Variants in SPINK5 observed in about 807,000 individuals in gnomAD.
SPINK5 encodes the protein serine protease inhibitor Kazal-type 5.
In SPINK5, 125 loss-of-function variants were observed where a neutral mutation model predicts 151.8. That is an observed-to-expected ratio of 0.82 (90% CI 0.71 to 0.96). SPINK5 has a LOEUF of 0.96. SPINK5 is among the 40% of genes least tolerant of loss of function. The pLI, the probability that SPINK5 is intolerant of heterozygous loss-of-function variation, is 0.00. For missense variants in SPINK5, 1,194 were observed against 1,291.9 expected (o/e 0.92, Z 1.16); for synonymous variants, 374 against 395.3 (o/e 0.95, Z 0.64).
In SPINK5 at chr5:148,101,776, C is replaced by T; in HGVS notation, c.1303-5C>T. ...CACTTTCAACTTCCTGCCTCAATTT[C>T]ACAGGAGTTGTGTAGTGAATACCGC... On this transcript the variant is annotated splice_region_variant and splice_polypyrimidine_tract_variant and intron_variant, in intron 14 of 32. Coordinates refer to ENST00000256084, the MANE Select transcript of SPINK5 (RefSeq NM_006846.4). 1 of 1,613,636 alleles carries T rather than the reference C, an allele frequency of 6.2e-7. No individual in the cohort carries two copies. The highest frequency in any genetic ancestry group is 8.5e-7 in the Non-Finnish European group (1 of 1,179,670).
intron 5 of SPINK5, among the ~76,000 whole-genome samples, 199 bp from the exon 6 acceptor site, chr5:148,088,343 A>T (rs1487170496): frequency 6.6e-6 from 1 of 151,908 alleles, no homozygotes; most frequent in Non-Finnish European, 1.5e-5. Context: ...AATCTTTACC[A>T]TCTCTTCCAT....
At chr5:148,087,092 C>T (rs1753180971) in intron 5 of SPINK5, among the ~76,000 whole-genome samples, 1 of 151,322 alleles carries the variant, frequency 6.6e-6, no homozygotes, top group Admixed American at 6.6e-5. Context: ...ATTATTTCAT[C>T]ATCAAATTAT....
intron 24 of SPINK5, among the ~76,000 whole-genome samples, chr5:148,119,683 C>T (rs1297394571): frequency 3.3e-5 from 5 of 152,306 alleles, no homozygotes; most frequent in African/African-American, 9.6e-5. Context: ...ACTGTCCTGC[C>T]GCTGCCTCTC....
intron 28 of SPINK5, 35 bp downstream of exon 28, chr5:148,124,872 A>AC: frequency 6.5e-7 from 1 of 1,546,966 alleles, no homozygotes; most frequent in Non-Finnish European, 8.7e-7. Flanking sequence ...TAACCATTTT[A>AC]CTTTTCACCT....
intron 31 of SPINK5, 62 bp from the exon 32 acceptor site, chr5:148,133,735 T>C: frequency 1.3e-6 from 2 of 1,554,466 alleles, no homozygotes; most frequent in South Asian, 1.1e-5. Flanking sequence ...TTGGTCCTTA[T>C]TTATTTTCTT....
intron 2 of SPINK5, among the ~76,000 whole-genome samples, chr5:148,066,646 C>G (rs1752593393): frequency 6.6e-6 from 1 of 152,014 alleles, no homozygotes; most frequent in African/African-American, 2.4e-5. Flanking sequence ...ATAAGCTAGA[C>G]ATTTGGGAAT....
At chr5:148,132,067 CTT>C (rs1335755793) in intron 31 of SPINK5, among the ~76,000 whole-genome samples, 1 of 152,156 alleles carries the variant, frequency 6.6e-6, no homozygotes, top group Non-Finnish European at 1.5e-5. Flanking sequence ...ATATTTTTAT[CTT>C]AAGTTAAATA....
rs527779780 is a variant in SPINK5 at position 148,065,361 on chromosome 5, A to T, written c.70A>T (p.Asn24Tyr). ...LCLIQDAASK[N>Y]EDQEMCHEFQ... is the part of the protein sequence containing the mutation. ...TTTCATCCCAGATGCTGCCAGTAAG[A>T]ATGAAGATCAGGTTAGTCCTGCTTT... Residue 24 changes from asparagine (N) to tyrosine (Y), a missense_variant, in exon 2 of 33, where the codon AAT (asparagine) becomes TAT (tyrosine). Transcript: ENST00000256084. The T allele has an allele frequency of 2.5e-6, 4 of 1,613,578 alleles. 1 individual carries two copies. The South Asian group carries it at 4.4e-5, about 18-fold the overall frequency.
chr5:148,074,188 T>A (rs1752822456), intron 4 of SPINK5, among the ~76,000 whole-genome samples: 1 of 151,864 alleles, frequency 6.6e-6, no homozygotes, highest in Non-Finnish European at 1.5e-5. Context: ...GTGCTCTGCA[T>A]TTCAAGGAGT....
At chr5:148,072,244 G>C in intron 4 of SPINK5, 24 bp downstream of exon 4, 2 of 1,607,708 alleles carry the variant, frequency 1.2e-6, no homozygotes, top group Non-Finnish European at 1.7e-6. Context: ...GAGCCAACCT[G>C]TTTACTTTTG....
At chr5:148,098,130 A>T in intron 11 of SPINK5, 136 bp downstream of exon 11, 1 of 844,980 alleles carries the variant, frequency 1.2e-6, no homozygotes. Flanking sequence ...GGAAAATATC[A>T]GTGATAGAGC....
intron 4 of SPINK5, among the ~76,000 whole-genome samples, chr5:148,080,406 T>TA (rs1233114064): frequency 6.6e-6 from 1 of 151,356 alleles, no homozygotes; most frequent in East Asian, 1.9e-4. Flanking sequence ...ACTAGTTATA[T>TA]AAAAAATATT....
Position 148,101,859 on chromosome 5 carries a change from C to T in SPINK5, c.1381C>T (p.Pro461Ser). 2 of 1,613,778 alleles carry T rather than the reference C, an allele frequency of 1.2e-6. No homozygotes were observed. Among genetic ancestry groups the T allele is most frequent in the Non-Finnish European group, 1.7e-6 (2 of 1,179,810 alleles). The change falls in exon 15 of 33, where the codon CCA becomes TCA. Residue 461 changes from proline (P) to serine (S), a missense_variant. By Grantham distance (74) the Pro-to-Ser change is moderately conservative (BLOSUM62 -1). Transcript: ENST00000256084. ...CTRENDPIQG[P>S]DGKMHGNTCS... ...CAGAGAGAATGACCCCATCCAGGGC[C>T]CAGATGGAAAAATGCATGGCAACAC... is the stretch of plus-strand genomic sequence containing the variant.
At chr5:148,078,691 T>C (rs2113021072) in intron 4 of SPINK5, among the ~76,000 whole-genome samples, 1 of 150,814 alleles carries the variant, frequency 6.6e-6, no homozygotes, top group Non-Finnish European at 1.5e-5. Flanking sequence ...AATTGGTGGG[T>C]TAAAGAAACA....
intron 30 of SPINK5, 131 bp downstream of exon 30, chr5:148,127,210 G>A: frequency 1.4e-6 from 1 of 717,102 alleles, no homozygotes; most frequent in Non-Finnish European, 2.4e-6. Context: ...AGTCCTTTGA[G>A]GACTATATGC....
intron 6 of SPINK5, 104 bp from the exon 7 acceptor site, chr5:148,089,390 G>A: frequency 2.0e-6 from 3 of 1,469,154 alleles, no homozygotes; most frequent in East Asian, 4.6e-5. Context: ...GCTCTAAGTG[G>A]CCCATAGCAA....
chr5:148,112,754 T>G (rs1324142829), intron 19 of SPINK5, 114 bp from the exon 20 acceptor site: 3 of 1,516,064 alleles, frequency 2.0e-6, no homozygotes, highest in African/African-American at 2.8e-5. Flanking sequence ...ACTCCAAAGC[T>G]AAGTTGGTGG....
chr5:148,066,271 A>G (rs12521761), intron 2 of SPINK5, among the ~76,000 whole-genome samples: 106,604 of 152,042 alleles, frequency 0.7, 37,839 homozygotes, highest in East Asian at 0.91. Flanking sequence ...TTTTTAATCT[A>G]TTTGAAAGAT....
chr5:148,119,850 A>C (rs756811417), intron 24 of SPINK5, among the ~76,000 whole-genome samples, 159 bp from the exon 25 acceptor site: 13 of 152,282 alleles, frequency 8.5e-5, no homozygotes, highest in Middle Eastern at 3.4e-3. Context: ...AGGTTCCAGG[A>C]ATTAGAACAT....
Sources: gnomAD v4.1 joint callset for allele counts (sites outside exome capture counted in the v4.1 genomes callset) on GRCh38, gnomAD v4.1.1 for gene constraint, MANE v1.5 for transcripts, NCBI Gene and HGNC (gene_info 2026-07-23, HGNC 2026-07-21) for gene names.